The following SLC17A1 variants were observed in gnomAD, a reference collection of about 807,000 sequenced individuals.
The protein encoded by SLC17A1 is sodium-dependent phosphate transport protein 1.
Under a neutral mutation model 53.5 loss-of-function variants are expected in SLC17A1, and 51 were observed. The observed-to-expected ratio is 0.95, with a 90% confidence interval of 0.76 to 1.20. The LOEUF is 1.20. Ranked by LOEUF, SLC17A1 falls within the 50% of genes most tolerant of loss-of-function variation. The pLI is 0.00. For missense variants in SLC17A1, 538 were observed against 568.2 expected, an observed-to-expected ratio of 0.95 and a Z score of 0.54; for synonymous variants, 179 against 198.8, an observed-to-expected ratio of 0.90 and a Z score of 0.84.
chr6:25,806,523 C>A (rs1400487206), intron 10 of SLC17A1, among the ~76,000 whole-genome samples: 1 of 151,950 alleles, frequency 6.6e-6, no homozygotes, highest in Non-Finnish European at 1.5e-5. Context: ...GAATTCCTAG[C>A]CAGAGCAATT....
chr6:25,824,774 G>GA (rs1395804690), intron 3 of SLC17A1, among the ~76,000 whole-genome samples: 1 of 150,478 alleles, frequency 6.6e-6, no homozygotes, highest in African/African-American at 2.4e-5. Flanking sequence ...AAATGTGAAT[G>GA]AAAAAAAAAT....
At chr6:25,771,197 C>T in the SLC17A1 span, among the ~76,000 whole-genome samples, 2 of 152,130 alleles carry the variant, frequency 1.3e-5, no homozygotes, top group Non-Finnish European at 2.9e-5. Context: ...AATCTTATGA[C>T]ATTAGAGGCA....
At chr6:25,762,140 T>C in the SLC17A1 span, 2 of 1,168,980 alleles carry the variant, frequency 1.7e-6, no homozygotes, top group Non-Finnish European at 2.4e-6. Context: ...CTAGGATCTG[T>C]GGCATCTTTT....
intron 6 of SLC17A1, among the ~76,000 whole-genome samples, chr6:25,815,450 T>C (rs1478233507): frequency 1.3e-5 from 2 of 151,940 alleles, no homozygotes; most frequent in Non-Finnish European, 2.9e-5. Context: ...GGGAATGAAG[T>C]ACTATTTTTT....
chr6:25,776,490 C>A, the SLC17A1 span: 17 of 1,320,508 alleles, frequency 1.3e-5, no homozygotes, highest in African/African-American at 1.8e-4. Flanking sequence ...AAAAGTGATG[C>A]GTATATAAAG....
intron 10 of SLC17A1, among the ~76,000 whole-genome samples, chr6:25,801,425 C>T (rs1763755648): frequency 6.6e-6 from 1 of 152,176 alleles, no homozygotes; most frequent in Non-Finnish European, 1.5e-5. Context: ...GCCTAGTTTA[C>T]AAGCAACTAT....
intron 12 of SLC17A1, among the ~76,000 whole-genome samples, chr6:25,792,425 C>G (rs1763522070): frequency 1.3e-5 from 2 of 152,164 alleles, no homozygotes; most frequent in Admixed American, 1.3e-4. Flanking sequence ...GTTAGGAGTT[C>G]CAGACCAGTC....
At chr6:25,726,681 TC>T in the SLC17A1 span, 3 of 1,106,360 alleles carry the variant, frequency 2.7e-6, no homozygotes, top group Non-Finnish European at 3.9e-6. Flanking sequence ...TCATTTGCAT[TC>T]ACGCCACTTC....
At chr6:25,804,656 G>T (rs1030317744) in intron 10 of SLC17A1, among the ~76,000 whole-genome samples, 3 of 151,964 alleles carry the variant, frequency 2.0e-5, no homozygotes, top group Non-Finnish European at 4.4e-5. Flanking sequence ...AACTCATAAG[G>T]ATTCATATAA....
the SLC17A1 span, among the ~76,000 whole-genome samples, chr6:25,771,392 G>T: frequency 6.6e-6 from 1 of 151,928 alleles, no homozygotes; most frequent in Non-Finnish European, 1.5e-5. Flanking sequence ...TGGCCAACAT[G>T]GTTAAACCCC....
intron 1 of SLC17A1, among the ~76,000 whole-genome samples, chr6:25,831,402 C>T (rs535243812): frequency 4.6e-4 from 70 of 152,224 alleles, no homozygotes; most frequent in Admixed American, 1.1e-3. Context: ...ATTTGTCAAC[C>T]ATCATTATCA....
chr6:25,812,770 A>G, intron 8 of SLC17A1, 61 bp downstream of exon 8: 1 of 1,324,060 alleles, frequency 7.6e-7, no homozygotes. Context: ...GTCGTTAGAG[A>G]CAGACAAATG....
chr6:25,759,527 C>G, the SLC17A1 span, among the ~76,000 whole-genome samples: 1 of 152,076 alleles, frequency 6.6e-6, no homozygotes, highest in Non-Finnish European at 1.5e-5. Flanking sequence ...TTCCTGTAGT[C>G]CTTTTGTTGC....
At chr6:25,758,492 T>C in the SLC17A1 span, among the ~76,000 whole-genome samples, 1 of 152,330 alleles carries the variant, frequency 6.6e-6, no homozygotes, top group African/African-American at 2.4e-5. Flanking sequence ...CAGAGAGAGT[T>C]TCTATTTCTT....
chr6:25,750,546 A>G, the SLC17A1 span, among the ~76,000 whole-genome samples: 8 of 152,264 alleles, frequency 5.3e-5, no homozygotes, highest in Admixed American at 4.6e-4. Flanking sequence ...GCAAGTATCA[A>G]ATCAAGGTGG....
At chr6:25,780,285 G>C (rs149693640), downstream of SLC17A1, 1 of 152,348 alleles carries the variant, frequency 6.6e-6, no homozygotes, top group African/African-American at 2.4e-5. Context: ...CGGGAGGGCA[G>C]ATAACTTTAA....
At chr6:25,799,400 G>A (rs1401437719) in intron 11 of SLC17A1, among the ~76,000 whole-genome samples, 1 of 149,408 alleles carries the variant, frequency 6.7e-6, no homozygotes, top group Non-Finnish European at 1.5e-5. Flanking sequence ...TTTTTTTTAA[G>A]TTTTGGATTC....
chr6:25,760,754 T>C, the SLC17A1 span, among the ~76,000 whole-genome samples: 1 of 152,180 alleles, frequency 6.6e-6, no homozygotes, highest in East Asian at 1.9e-4. Context: ...AGTCACTTAG[T>C]TTCAAATTTT....
chr6:25,829,104 G>A (rs1283134064), intron 2 of SLC17A1, among the ~76,000 whole-genome samples: 2 of 152,114 alleles, frequency 1.3e-5, no homozygotes, highest in South Asian at 2.1e-4. Context: ...GAAGATGGGG[G>A]CCTCAAAACA....
Sources: gnomAD v4.1 joint callset for allele counts (sites outside exome capture counted in the v4.1 genomes callset) on GRCh38, gnomAD v4.1.1 for gene constraint, MANE v1.5 for transcripts, NCBI Gene and HGNC (gene_info 2026-07-23, HGNC 2026-07-21) for gene names.